SWT1: variants seen among roughly 807,000 people sequenced by gnomAD.
SWT1 encodes the protein transcriptional protein SWT1.
In SWT1, 33 loss-of-function variants were observed where a neutral mutation model predicts 107.3. The ratio of observed to expected loss-of-function variants is 0.31; its 90% CI spans 0.23 to 0.41. The LOEUF is 0.41. SWT1 is among the 10% of genes least tolerant of loss of function. The pLI, the probability that SWT1 is intolerant of heterozygous loss-of-function variation, is 1.00. For synonymous variants in SWT1, 345 were observed against 348.3 expected (o/e 0.99, Z 0.11); for missense variants, 898 against 1,028.9 (o/e 0.87, Z 1.74).
intron 16 of SWT1, among the ~76,000 whole-genome samples, chr1:185,255,979 A>C (rs1240776437): frequency 6.6e-6 from 1 of 151,798 alleles, no homozygotes; most frequent in African/African-American, 2.4e-5. Context: ...AGGCCTGGTG[A>C]TGACAAAATC....
At chr1:185,229,641 A>C (rs1269599551) in intron 15 of SWT1, among the ~76,000 whole-genome samples, 3 of 151,288 alleles carry the variant, frequency 2.0e-5, no homozygotes, top group African/African-American at 7.3e-5. Context: ...TCACAACCAC[A>C]CCTCCACACA....
intron 11 of SWT1, among the ~76,000 whole-genome samples, chr1:185,203,261 C>G (rs1316838863): frequency 6.6e-6 from 1 of 152,062 alleles, no homozygotes; most frequent in Non-Finnish European, 1.5e-5. Context: ...GATAAAAACT[C>G]AGCTAGCAAT....
At chr1:185,187,948 T>A (rs1161552104) in intron 9 of SWT1, among the ~76,000 whole-genome samples, 5 of 152,122 alleles carry the variant, frequency 3.3e-5, no homozygotes, top group Non-Finnish European at 7.4e-5. Flanking sequence ...CTGCCTCGGC[T>A]TCCCAGAGTG....
chr1:185,219,818 C>T lies in SWT1; in HGVS notation c.2122-2031C>T, dbSNP rs572995368. Among the ~76,000 whole-genome samples the T allele has an allele frequency of 6.6e-5, 10 of 152,126 alleles. No homozygotes were observed. The South Asian group carries it at 1.9e-3, about 28-fold the overall frequency. On this transcript the variant is annotated intron_variant, in intron 14 of 18. Coordinates refer to ENST00000367500, the MANE Select transcript of SWT1 (RefSeq NM_017673.7). ...CCATTCTGTTTACTGCACTGGCCTTCCATCAACTACCAAACTTCTTAAAAG... is the reference window on the plus strand; with the variant it reads ...CCATTCTGTTTACTGCACTGGCCTTTCATCAACTACCAAACTTCTTAAAAG...
chr1:185,231,632 G>A lies in SWT1; in HGVS notation c.2365G>A (p.Ala789Thr), dbSNP rs1660514888. Residue 789 changes from alanine to threonine, a missense_variant, in exon 16 of 19, where the codon GCA becomes ACA. This residue lies in a region of SWT1 where 382 missense variants were observed against 460.0 expected (regional missense o/e 0.83). Transcript: ENST00000367500. ...TTCAGCTCTGACTACTTCAAATATA[G>A]CATCATTTGAAGAAGCATTTATATG... ...SNSALTTSNIASFEEAFICLQ... is the reference protein window; with the variant it reads ...SNSALTTSNITSFEEAFICLQ... 1.2e-6 allele frequency: 2 copies of A among 1,608,984 alleles called. No individual in the cohort carries two copies. Among genetic ancestry groups the A allele is most frequent in the African/African-American group, 1.3e-5 (1 of 74,868 alleles).
chr1:185,221,840 T>C lies in SWT1; in HGVS notation c.2122-9T>C. On this transcript the variant is annotated splice_polypyrimidine_tract_variant and intron_variant, in intron 14 of 18. Coordinates refer to ENST00000367500, the MANE Select transcript of SWT1 (RefSeq NM_017673.7). ...CTAGCTGCATTTTATGTAATTCTTA[T>C]TTCCCCAGGTCAAGACAAAACTTAA... 1.3e-6 allele frequency: 2 copies of C among 1,533,762 alleles called. No homozygotes were observed. Among genetic ancestry groups the C allele is most frequent in the South Asian group, 1.3e-5 (1 of 77,266 alleles).
At chr1:185,229,602 G>A (rs148197818) in intron 15 of SWT1, among the ~76,000 whole-genome samples, 9 of 151,028 alleles carry the variant, frequency 6.0e-5, no homozygotes, top group Non-Finnish European at 1.2e-4. Flanking sequence ...TTTCTCTCTC[G>A]GTCTCCTCCT....
At chr1:185,246,007 A>G (rs1479011511) in intron 16 of SWT1, among the ~76,000 whole-genome samples, 2 of 152,100 alleles carry the variant, frequency 1.3e-5, no homozygotes, top group African/African-American at 4.8e-5. Context: ...ACCTCAGGTG[A>G]TCTGCCCACC....
In SWT1 at chr1:185,195,709, ATC is replaced by A. The variant is rs566647928; in HGVS notation, c.1523+5070_1523+5071del. 3.0e-3 allele frequency among the ~76,000 whole-genome samples: 462 copies of A among 152,300 alleles called. 2 individuals carry two copies. The highest frequency in any genetic ancestry group is 0.011 in the African/African-American group (439 of 41,564). ...GCCATTCTAACTGGCATGAGATGGT[ATC>A]TCATTGTGGTTTTGATTTGCATTTC... On this transcript the variant is annotated intron_variant, in intron 10 of 18. Coordinates refer to ENST00000367500, the MANE Select transcript of SWT1 (RefSeq NM_017673.7).
chr1:185,284,117 C>T (rs1411298275), intron 18 of SWT1, among the ~76,000 whole-genome samples: 1 of 152,076 alleles, frequency 6.6e-6, no homozygotes, highest in African/African-American at 2.4e-5. Flanking sequence ...GTTATTTTCC[C>T]TTTTTTGGTT....
At chr1:185,277,628 T>A (rs149466771) in intron 18 of SWT1, among the ~76,000 whole-genome samples, 1 of 152,300 alleles carries the variant, frequency 6.6e-6, no homozygotes, top group East Asian at 1.9e-4. Flanking sequence ...TTGACTTCTT[T>A]GACCTCGCAT....
At chr1:185,180,063 G>A (rs1429825461) in intron 5 of SWT1, among the ~76,000 whole-genome samples, 1 of 152,128 alleles carries the variant, frequency 6.6e-6, no homozygotes, top group Non-Finnish European at 1.5e-5. Flanking sequence ...GTGTGCCTGT[G>A]GTCCCAGCTA....
intron 15 of SWT1, among the ~76,000 whole-genome samples, chr1:185,223,122 C>T (rs760607377): frequency 6.6e-6 from 1 of 152,198 alleles, no homozygotes; most frequent in Non-Finnish European, 1.5e-5. Flanking sequence ...TGAGGAACCT[C>T]TGTACTATTT....
At chr1:185,196,250 A>C (rs919460008) in intron 10 of SWT1, among the ~76,000 whole-genome samples, 1 of 152,200 alleles carries the variant, frequency 6.6e-6, no homozygotes, top group Non-Finnish European at 1.5e-5. Flanking sequence ...TATATAGGGA[A>C]TCCTTTCCCC....
chr1:185,193,059 G>A (rs150768719), intron 10 of SWT1, among the ~76,000 whole-genome samples: 1 of 152,082 alleles, frequency 6.6e-6, no homozygotes, highest in Non-Finnish European at 1.5e-5. Flanking sequence ...TTCTGCAGTT[G>A]TATCCCACAA....
intron 10 of SWT1, among the ~76,000 whole-genome samples, chr1:185,193,452 C>G (rs1431366673): frequency 6.6e-6 from 1 of 150,648 alleles, no homozygotes; most frequent in Non-Finnish European, 1.5e-5. Context: ...ACCTTACTGG[C>G]CTACTTTTTC....
At chr1:185,274,726 ATGTTTGC>A (rs1187704334) in intron 17 of SWT1, among the ~76,000 whole-genome samples, 1 of 152,218 alleles carries the variant, frequency 6.6e-6, no homozygotes, top group East Asian at 1.9e-4. Flanking sequence ...CACAACTCTA[ATGTTTGC>A]TGACAGTGGC....
At chr1:185,250,642 TATTTAATTTAATTTTA>T (rs1661942315) in intron 16 of SWT1, among the ~76,000 whole-genome samples, 1 of 152,186 alleles carries the variant, frequency 6.6e-6, no homozygotes, top group Non-Finnish European at 1.5e-5. Context: ...ACTCATAATT[TATTTAATTTAATTTTA>T]ATTTAATTTA....
chr1:185,231,348 AG>A (rs1660493498), intron 15 of SWT1, among the ~76,000 whole-genome samples: 1 of 152,188 alleles, frequency 6.6e-6, no homozygotes, highest in Non-Finnish European at 1.5e-5. Flanking sequence ...CAACTTTCAT[AG>A]TATTACTTTA....
Sources: gnomAD v4.1 joint callset for allele counts (sites outside exome capture counted in the v4.1 genomes callset) on GRCh38, gnomAD v4.1.1 for gene constraint, gnomAD v4.1.1 regional missense constraint, MANE v1.5 for transcripts, NCBI Gene and HGNC (gene_info 2026-07-23, HGNC 2026-07-21) for gene names.